ADCY10: variants seen among roughly 807,000 people sequenced by gnomAD.
The protein encoded by ADCY10 is adenylate cyclase type 10.
Under a neutral mutation model 183.3 loss-of-function variants are expected in ADCY10, and 156 were observed. That is an observed-to-expected ratio of 0.85 (90% CI 0.75 to 0.97). The LOEUF is 0.97. ADCY10 is among the 50% of genes least tolerant of loss of function. ADCY10 has a pLI of 0.00. For synonymous variants in ADCY10, 645 were observed against 670.0 expected, an observed-to-expected ratio of 0.96 and a Z score of 0.58; for missense variants, 1,745 against 1,934.3, an observed-to-expected ratio of 0.90 and a Z score of 1.84.
At chr1:167,904,291 T>C (rs1006090287) in intron 2 of ADCY10, among the ~76,000 whole-genome samples, 2 of 152,106 alleles carry the variant, frequency 1.3e-5, no homozygotes, top group African/African-American at 2.4e-5. Flanking sequence ...TTTCACCATG[T>C]TAGCCAGGAT....
At chr1:167,879,559 C>A (rs905973222) in intron 11 of ADCY10, among the ~76,000 whole-genome samples, 2 of 152,150 alleles carry the variant, frequency 1.3e-5, no homozygotes, top group Non-Finnish European at 2.9e-5. Flanking sequence ...ACACTCCCCA[C>A]CCTGTGTACT....
chr1:167,867,448 G>A (rs1666786776), intron 14 of ADCY10, among the ~76,000 whole-genome samples: 1 of 152,132 alleles, frequency 6.6e-6, no homozygotes, highest in South Asian at 2.1e-4. Flanking sequence ...AAGTCACTGA[G>A]GTAGGACAAA....
chr1:167,864,180 G>A (rs955586736), intron 14 of ADCY10, among the ~76,000 whole-genome samples: 6 of 152,168 alleles, frequency 3.9e-5, no homozygotes, highest in East Asian at 3.8e-4. Flanking sequence ...AAGTGTGTGC[G>A]TGCCCTTTTT....
chr1:167,843,273 T>C (rs1054025170), intron 21 of ADCY10, among the ~76,000 whole-genome samples: 4 of 152,256 alleles, frequency 2.6e-5, no homozygotes, highest in Admixed American at 2.6e-4. Flanking sequence ...GCTGTCAGTG[T>C]ATTTTAGCTT....
intron 6 of ADCY10, among the ~76,000 whole-genome samples, chr1:167,897,356 G>T (rs997303819): frequency 2.0e-5 from 3 of 150,622 alleles, no homozygotes; most frequent in Non-Finnish European, 4.4e-5. Flanking sequence ...AATTAGCCAG[G>T]TGTAGTGGCA....
chr1:167,846,331 T>C, intron 19 of ADCY10, 68 bp from the exon 20 acceptor site: 1 of 1,582,112 alleles, frequency 6.3e-7, no homozygotes, highest in Non-Finnish European at 8.7e-7. Context: ...GTATTTAATA[T>C]AGAGCAGGTG....
At chr1:167,842,806 G>C (rs1438083527) in intron 21 of ADCY10, among the ~76,000 whole-genome samples, 1 of 152,126 alleles carries the variant, frequency 6.6e-6, no homozygotes, top group Non-Finnish European at 1.5e-5. Flanking sequence ...GCCATAGCCA[G>C]AAAACAGATG....
chr1:167,845,520 T>C, intron 21 of ADCY10, 43 bp downstream of exon 21: 1 of 1,602,342 alleles, frequency 6.2e-7, no homozygotes, highest in Non-Finnish European at 8.5e-7. Context: ...GTCTCTAGAT[T>C]TCCCAAGAAC....
At chr1:167,827,894 A>G (rs962367422) in intron 26 of ADCY10, among the ~76,000 whole-genome samples, 1 of 151,816 alleles carries the variant, frequency 6.6e-6, no homozygotes, top group Non-Finnish European at 1.5e-5. Flanking sequence ...TTGTATTTTT[A>G]GTAAAGATAG....
At chr1:167,838,924 A>T (rs1012877373) in intron 21 of ADCY10, among the ~76,000 whole-genome samples, 2 of 152,138 alleles carry the variant, frequency 1.3e-5, no homozygotes, top group African/African-American at 4.8e-5. Flanking sequence ...ATCCTTGATT[A>T]TTTTCTTTTT....
chr1:167,830,815 G>A (rs1394218684), intron 25 of ADCY10, among the ~76,000 whole-genome samples: 2 of 152,168 alleles, frequency 1.3e-5, no homozygotes, highest in Non-Finnish European at 1.5e-5. Flanking sequence ...TCTATTCAAA[G>A]TCACTCCTCT....
At chr1:167,852,056 C>G (rs1665537480) in intron 18 of ADCY10, among the ~76,000 whole-genome samples, 1 of 151,996 alleles carries the variant, frequency 6.6e-6, no homozygotes, top group South Asian at 2.1e-4. Flanking sequence ...ATTATGTAAC[C>G]AGAATCTCTC....
At chr1:167,851,940 C>T (rs1665520695) in intron 18 of ADCY10, among the ~76,000 whole-genome samples, 1 of 151,910 alleles carries the variant, frequency 6.6e-6, no homozygotes, top group African/African-American at 2.4e-5. Context: ...GGATCCAGTC[C>T]AGGATTATGT....
rs760529564 is a variant in ADCY10, at chr1:167,819,914, C to T, written c.4287-1647G>A. The stretch of plus-strand genomic sequence containing the variant: ...AAAGCCAAATCGGATCAACAGTAGG[C>T]AAAACATCTTCTCCAGGCCATCAAC... On this transcript the variant is annotated intron_variant, in intron 30 of 32. Coordinates refer to ENST00000367851, the MANE Select transcript of ADCY10 (RefSeq NM_018417.6). 42 of 1,024,758 alleles carry T rather than the reference C, an allele frequency of 4.1e-5. No individual in the cohort carries two copies. The Admixed American group carries it at 6.4e-4, about 16-fold the overall frequency. The allele number at this position is 1,024,758 out of a possible 1,614,324, so 63.5% of individuals were successfully genotyped here.
At position 167,824,865 on chromosome 1, in the gene ADCY10, C is replaced by A. The variant is rs771218335; in HGVS notation, c.3751-10G>T. The A allele has an allele frequency of 6.2e-7, 1 of 1,613,676 alleles. No homozygotes were observed. Among genetic ancestry groups the A allele is most frequent in the East Asian group, 2.2e-5 (1 of 44,892 alleles). ...GGTAAGCCTTAATGATCTGAAATGG[C>A]AGAGTGGAGGAAGAGTGAGGCAGAA... On this transcript the variant is annotated splice_polypyrimidine_tract_variant and intron_variant, in intron 26 of 32. Coordinates refer to ENST00000367851, the MANE Select transcript of ADCY10 (RefSeq NM_018417.6).
chr1:167,818,458 A>G (rs750369034), intron 30 of ADCY10, 191 bp from the exon 31 acceptor site: 2 of 705,352 alleles, frequency 2.8e-6, no homozygotes, highest in Admixed American at 3.9e-5. Context: ...GAAATAATAA[A>G]TTTTTTTGAT....
chr1:167,909,526 T>G (rs983001039), intron 1 of ADCY10, among the ~76,000 whole-genome samples: 1 of 151,738 alleles, frequency 6.6e-6, no homozygotes, highest in African/African-American at 2.4e-5. Flanking sequence ...ATTTGTAAAC[T>G]TTCTTAAAAC....
At chr1:167,889,334 T>A (rs555504073) in intron 8 of ADCY10, among the ~76,000 whole-genome samples, 1 of 152,204 alleles carries the variant, frequency 6.6e-6, no homozygotes, top group Non-Finnish European at 1.5e-5. Context: ...GAAATGATAA[T>A]ATGGTTTTTG....
At chr1:167,901,145 A>G (rs1372299322) in intron 5 of ADCY10, among the ~76,000 whole-genome samples, 1 of 151,836 alleles carries the variant, frequency 6.6e-6, no homozygotes, top group African/African-American at 2.4e-5. Flanking sequence ...ATAAGGAAAT[A>G]TGTGTGACTA....
Sources: gnomAD v4.1 joint callset for allele counts (sites outside exome capture counted in the v4.1 genomes callset) on GRCh38, gnomAD v4.1.1 for gene constraint, MANE v1.5 for transcripts, NCBI Gene and HGNC (gene_info 2026-07-23, HGNC 2026-07-21) for gene names.